XXYLT1: variants seen among roughly 807,000 people sequenced by gnomAD.
XXYLT1 encodes the protein UDP-xylose:alpha-xyloside alpha-1,3-xylosyltransferase.
XXYLT1 carries 20 observed loss-of-function variants against 28.9 expected under a neutral mutation model. The ratio of observed to expected loss-of-function variants is 0.69; its 90% CI spans 0.49 to 1.00. XXYLT1 has a LOEUF of 1.00. Ranked by LOEUF, XXYLT1 falls within the 50% of genes least tolerant of loss-of-function variation. The pLI, the probability that XXYLT1 is intolerant of heterozygous loss-of-function variation, is 0.00. For synonymous variants in XXYLT1, 257 were observed against 253.8 expected (o/e 1.01, Z -0.12); for missense variants, 542 against 560.1 (o/e 0.97, Z 0.33).
At chr3:195,167,230 C>A (rs928717409) in intron 2 of XXYLT1, among the ~76,000 whole-genome samples, 1 of 152,204 alleles carries the variant, frequency 6.6e-6, no homozygotes, top group African/African-American at 2.4e-5. Flanking sequence ...CTGACAATAT[C>A]CCATCTCCTA....
intron 1 of XXYLT1, among the ~76,000 whole-genome samples, chr3:195,241,187 T>C (rs1470943335): frequency 6.6e-6 from 1 of 152,168 alleles, no homozygotes; most frequent in Non-Finnish European, 1.5e-5. Context: ...TCACACCTTC[T>C]TGAAGCAAGG....
intron 3 of XXYLT1, among the ~76,000 whole-genome samples, chr3:195,143,879 TATATA>T (rs1719683071): frequency 1.6e-5 from 2 of 128,784 alleles, no homozygotes; most frequent in East Asian, 7.1e-4. Flanking sequence ...TAGATATATA[TATATA>T]TATATTTATT....
chr3:195,153,504 C>G (rs1720394726), intron 3 of XXYLT1, among the ~76,000 whole-genome samples: 1 of 152,080 alleles, frequency 6.6e-6, no homozygotes, highest in Non-Finnish European at 1.5e-5. Context: ...TTTTGAGTGC[C>G]CAGGCCCTGC....
At chr3:195,204,067 G>A (rs572588056) in intron 2 of XXYLT1, among the ~76,000 whole-genome samples, 3 of 152,150 alleles carry the variant, frequency 2.0e-5, no homozygotes, top group Non-Finnish European at 2.9e-5. Context: ...ATCATTGGCC[G>A]GGCACAGTGG....
At chr3:195,108,560 C>T (rs908917518) in intron 3 of XXYLT1, among the ~76,000 whole-genome samples, 8 of 152,198 alleles carry the variant, frequency 5.3e-5, no homozygotes, top group Non-Finnish European at 5.9e-5. Flanking sequence ...TAGGTGATTT[C>T]GTCTTTGTGT....
At chr3:195,170,969 C>G (rs116011779) in intron 2 of XXYLT1, among the ~76,000 whole-genome samples, 6,395 of 152,230 alleles carry the variant, frequency 0.042, 469 homozygotes, top group African/African-American at 0.15. Context: ...AGTCAAACCT[C>G]TGTGTCCAGG....
intron 1 of XXYLT1, among the ~76,000 whole-genome samples, chr3:195,248,734 A>G (rs896944644): frequency 6.6e-6 from 1 of 152,148 alleles, no homozygotes; most frequent in African/African-American, 2.4e-5. Context: ...CCTGGCCAAC[A>G]GGGTGAAACG....
intron 2 of XXYLT1, among the ~76,000 whole-genome samples, chr3:195,171,070 C>G (rs1350924089): frequency 6.6e-6 from 1 of 152,202 alleles, no homozygotes; most frequent in Non-Finnish European, 1.5e-5. Context: ...AGGTGATGAA[C>G]TTGCTACTGC....
intron 2 of XXYLT1, among the ~76,000 whole-genome samples, chr3:195,204,145 C>G (rs1416502760): frequency 6.6e-6 from 1 of 151,728 alleles, no homozygotes; most frequent in East Asian, 1.9e-4. Context: ...GAGTGCGAGA[C>G]CAGCCTGGCC....
intron 2 of XXYLT1, among the ~76,000 whole-genome samples, chr3:195,218,894 A>G (rs1368399078): frequency 6.6e-6 from 1 of 152,078 alleles, no homozygotes; most frequent in Non-Finnish European, 1.5e-5. Context: ...TATTCACAAT[A>G]GCAAAGACTT....
At position 195,195,078 on chromosome 3, in the gene XXYLT1, G is replaced by GTCC. The variant is rs1722570592; in HGVS notation, c.652+31630_652+31631insGGA. Reference sequence around the variant, plus strand: ...ATAAACTGTACCTCAACAAAGCTGGGTTTTTTTTTTAAAAGGACAATGTAC... The same window carrying GTCC: ...ATAAACTGTACCTCAACAAAGCTGGGTCCTTTTTTTTTTAAAAGGACAATGTAC... On this transcript the variant is annotated intron_variant, in intron 2 of 3. Coordinates refer to ENST00000310380, the MANE Select transcript of XXYLT1 (RefSeq NM_152531.5). The surrounding 1 kb of genome is among the most constrained non-coding windows in gnomAD (Gnocchi z 4.4). 1.4e-5 allele frequency among the ~76,000 whole-genome samples: 2 copies of GTCC among 146,078 alleles called. No homozygotes were observed. The highest frequency in any genetic ancestry group is 4.3e-4 in the South Asian group (2 of 4,704).
At chr3:195,224,951 G>A (rs1723986038) in intron 2 of XXYLT1, among the ~76,000 whole-genome samples, 3 of 152,162 alleles carry the variant, frequency 2.0e-5, no homozygotes, top group Admixed American at 6.5e-5. Flanking sequence ...ACAGAACCAC[G>A]TCCTTCTCAA....
At chr3:195,230,019 T>G (rs572004659) in intron 1 of XXYLT1, among the ~76,000 whole-genome samples, 45 of 152,354 alleles carry the variant, frequency 3.0e-4, no homozygotes, top group East Asian at 3.9e-4. Context: ...AAGGTTCCCT[T>G]TTCTCTACAT....
chr3:195,269,968 CATTCGGAGGAACTCCAGGCTTCTCTA>C (rs1725962939), intron 1 of XXYLT1: 1 of 166,662 alleles, frequency 6.0e-6, no homozygotes, highest in Admixed American at 6.3e-5. Flanking sequence ...TTCTCTTCCT[CATTCGGAGGAACTCCAGGCTTCTCTA>C]AATGGGTTCA....
At chr3:195,164,013 C>T (rs973943580) in intron 2 of XXYLT1, among the ~76,000 whole-genome samples, 3 of 152,204 alleles carry the variant, frequency 2.0e-5, no homozygotes, top group East Asian at 1.9e-4. Context: ...AGTCATGTGA[C>T]GACACTTAGC....
chr3:195,124,764 C>T lies in XXYLT1; in HGVS notation c.785+31685G>A, dbSNP rs1420544679. 6.6e-6 allele frequency among the ~76,000 whole-genome samples: 1 copy of T among 152,212 alleles called. No homozygotes were observed. Among genetic ancestry groups the T allele is most frequent in the Non-Finnish European group, 1.5e-5 (1 of 68,040 alleles). ...CTGCCCTCGCTGGCCGGGACACAGT[C>T]AGCCAGGTTCCAGGGACCACAACTC... On this transcript the variant is annotated intron_variant, in intron 3 of 3. Coordinates refer to ENST00000310380, the MANE Select transcript of XXYLT1 (RefSeq NM_152531.5). This position sits in a 1 kb window ranked among gnomAD's most constrained non-coding sequence, Gnocchi z 4.1.
intron 1 of XXYLT1, among the ~76,000 whole-genome samples, chr3:195,248,963 G>C (rs1020333842): frequency 1.3e-5 from 2 of 152,132 alleles, no homozygotes; most frequent in African/African-American, 4.8e-5. Context: ...CCAGTCTCGG[G>C]TATGTCTTTA....
At chr3:195,183,875 T>C (rs1722064060) in intron 2 of XXYLT1, among the ~76,000 whole-genome samples, 1 of 152,200 alleles carries the variant, frequency 6.6e-6, no homozygotes, top group Non-Finnish European at 1.5e-5. Context: ...AGAAAAAAAC[T>C]GGAAGGCCTG....
intron 3 of XXYLT1, among the ~76,000 whole-genome samples, chr3:195,100,418 C>A (rs564820680): frequency 6.6e-6 from 1 of 152,230 alleles, no homozygotes; most frequent in Non-Finnish European, 1.5e-5. Flanking sequence ...TTAGCACACA[C>A]ATCACAGCGC....
Sources: gnomAD v4.1 joint callset for allele counts (sites outside exome capture counted in the v4.1 genomes callset) on GRCh38, gnomAD v4.1.1 for gene constraint, Gnocchi (gnomAD v3.1) non-coding constraint, MANE v1.5 for transcripts, NCBI Gene and HGNC (gene_info 2026-07-23, HGNC 2026-07-21) for gene names.